Variants in MERTK observed in about 807,000 individuals in gnomAD.
MERTK encodes tyrosine-protein kinase Mer.
In MERTK, 69 loss-of-function variants were observed where a neutral mutation model predicts 99.3. That is an observed-to-expected ratio of 0.70 (90% CI 0.57 to 0.85). The LOEUF is 0.85. MERTK is among the 40% of genes least tolerant of loss of function. The pLI is 0.00. For synonymous variants in MERTK, 426 were observed against 467.6 expected (o/e 0.91, Z 1.15); for missense variants, 1,125 against 1,249.4 (o/e 0.90, Z 1.50).
At chr2:111,977,477 A>AT (rs1247654520) in intron 7 of MERTK, among the ~76,000 whole-genome samples, 1 of 151,868 alleles carries the variant, frequency 6.6e-6, no homozygotes, top group Non-Finnish European at 1.5e-5. Flanking sequence ...TTTTGTTCCT[A>AT]TTTTTACCCT....
chr2:111,964,029 C>G (rs918721992), intron 4 of MERTK, among the ~76,000 whole-genome samples: 2 of 81,404 alleles, frequency 2.5e-5, no homozygotes, highest in Non-Finnish European at 5.5e-5. Context: ...TTTCTCCACT[C>G]AAAAATTTTC....
At chr2:111,974,534 C>A (rs1676199044) in intron 6 of MERTK, among the ~76,000 whole-genome samples, 1 of 151,974 alleles carries the variant, frequency 6.6e-6, no homozygotes, top group South Asian at 2.1e-4. Context: ...CTTTGGAAGT[C>A]CAAGGCAGGT....
At chr2:111,950,647 C>G (rs1005800031) in intron 4 of MERTK, among the ~76,000 whole-genome samples, 1 of 152,146 alleles carries the variant, frequency 6.6e-6, no homozygotes, top group Non-Finnish European at 1.5e-5. Context: ...TTTCATTTCC[C>G]TGATGTCTAA....
chr2:111,997,634 C>T (rs1244715127), intron 10 of MERTK, among the ~76,000 whole-genome samples, 158 bp downstream of exon 10: 2 of 152,224 alleles, frequency 1.3e-5, no homozygotes, highest in Admixed American at 1.3e-4. Context: ...TGACTTACGC[C>T]ATGGTCTACA....
intron 2 of MERTK, among the ~76,000 whole-genome samples, chr2:111,944,370 GA>G (rs1684919587): frequency 6.8e-6 from 1 of 147,536 alleles, no homozygotes; most frequent in Non-Finnish European, 1.5e-5. Context: ...GTTTTTCCAA[GA>G]AACCGAACCT....
rs772859324 is a variant in MERTK at position 111,968,244 on chromosome 2, A to G, written c.952A>G (p.Ser318Gly). 6.2e-7 allele frequency: 1 copy of G among 1,612,182 alleles called. No individual in the cohort carries two copies. The highest frequency in any genetic ancestry group is 1.1e-5 in the South Asian group (1 of 91,024). Residue 318 changes from serine (S) to glycine (G), a missense_variant, in exon 6 of 19, where the codon AGC becomes GGC. Coordinates refer to ENST00000295408, the MANE Select transcript of MERTK (RefSeq NM_006343.3). ...TGGATACTCCCCGTTCAGGAATTGCAGCATTCAGGTAAAGTTCCAGGGTGA... is the reference window on the plus strand; with the variant it reads ...TGGATACTCCCCGTTCAGGAATTGCGGCATTCAGGTAAAGTTCCAGGGTGA... Reference protein sequence around the residue: ...FDGYSPFRNCSIQVKEADPLS... With the variant: ...FDGYSPFRNCGIQVKEADPLS...
Position 112,029,230 on chromosome 2 carries a change from A to G in MERTK, c.*366A>G. 1.0e-6 allele frequency: 1 copy of G among 991,094 alleles called. No individual in the cohort carries two copies. Among genetic ancestry groups the G allele is most frequent in the Non-Finnish European group, 1.2e-6 (1 of 828,522 alleles). The allele number at this position is 991,094 out of a possible 1,614,324, so 61.4% of individuals were successfully genotyped here. On this transcript the variant is annotated 3_prime_UTR_variant, in exon 19 of 19. Coordinates refer to ENST00000295408, the MANE Select transcript of MERTK (RefSeq NM_006343.3). ...TTTTTCATGACTATTAAATGTAAAAATATTTGTAAAATGAAATGCCATATT... is the reference window on the plus strand; with the variant it reads ...TTTTTCATGACTATTAAATGTAAAAGTATTTGTAAAATGAAATGCCATATT...
intron 2 of MERTK, among the ~76,000 whole-genome samples, chr2:111,939,671 T>G (rs906677908): frequency 2.9e-5 from 4 of 139,474 alleles, no homozygotes; most frequent in Admixed American, 2.1e-4. Context: ...TTTTTTTTTT[T>G]TTTTTTTTTT....
intron 15 of MERTK, among the ~76,000 whole-genome samples, chr2:112,011,110 G>A (rs891855505): frequency 6.6e-6 from 1 of 152,208 alleles, no homozygotes; most frequent in African/African-American, 2.4e-5. Context: ...GCTGCCATCA[G>A]TATGAGGACC....
At chr2:111,958,302 C>G (rs750150832) in intron 4 of MERTK, among the ~76,000 whole-genome samples, 2 of 152,160 alleles carry the variant, frequency 1.3e-5, no homozygotes, top group Non-Finnish European at 2.9e-5. Context: ...TACTGTTCAT[C>G]CACACAGAGA....
chr2:111,923,732 G>A (rs990334877), intron 1 of MERTK, among the ~76,000 whole-genome samples: 1 of 152,154 alleles, frequency 6.6e-6, no homozygotes, highest in African/African-American at 2.4e-5. Flanking sequence ...AGTCTTTGAT[G>A]TGGGTAAGCC....
At chr2:111,993,395 ATGACCTGTGACATCTG>A (rs761960300) in intron 8 of MERTK, among the ~76,000 whole-genome samples, 45 of 152,276 alleles carry the variant, frequency 3.0e-4, no homozygotes, top group Middle Eastern at 3.4e-3. Flanking sequence ...CTGTTCATTG[ATGACCTGTGACATCTG>A]TGACCTGTGA....
intron 7 of MERTK, among the ~76,000 whole-genome samples, chr2:111,981,704 G>C (rs1201824865): frequency 2.0e-5 from 3 of 151,282 alleles, no homozygotes; most frequent in Admixed American, 2.0e-4. Context: ...ATCTTGACTT[G>C]TTTCCCAAAT....
intron 1 of MERTK, among the ~76,000 whole-genome samples, chr2:111,916,567 T>C (rs1421213450): frequency 6.6e-6 from 1 of 152,184 alleles, no homozygotes; most frequent in African/African-American, 2.4e-5. Flanking sequence ...TTTAAAAAGA[T>C]CTTCTATTTC....
At chr2:111,944,534 G>GGAATTATTC (rs1573589856) in intron 2 of MERTK, among the ~76,000 whole-genome samples, 1 of 23,604 alleles carries the variant, frequency 4.2e-5, no homozygotes, top group African/African-American at 1.6e-4. Context: ...TAAGGAATTA[G>GGAATTATTC]CTCACACACA....
chr2:112,015,470 T>C (rs1369269942), intron 15 of MERTK, among the ~76,000 whole-genome samples: 9 of 152,206 alleles, frequency 5.9e-5, no homozygotes, highest in Non-Finnish European at 7.3e-5. Flanking sequence ...TTGCCATCCT[T>C]ACATCCGCTT....
At chr2:111,915,831 G>A (rs1393440041) in intron 1 of MERTK, among the ~76,000 whole-genome samples, 1 of 152,152 alleles carries the variant, frequency 6.6e-6, no homozygotes, top group East Asian at 1.9e-4. Flanking sequence ...GGAGACAGAG[G>A]TTGTAGTAAG....
intron 10 of MERTK, among the ~76,000 whole-genome samples, chr2:111,999,894 A>G (rs115649235): frequency 0.017 from 2,642 of 152,268 alleles, 71 homozygotes; most frequent in African/African-American, 0.06. Flanking sequence ...TGGAGGACCA[A>G]TTTTTTGTAA....
At chr2:111,988,671 C>A (rs756333552) in intron 8 of MERTK, among the ~76,000 whole-genome samples, 1 of 152,216 alleles carries the variant, frequency 6.6e-6, no homozygotes, top group South Asian at 2.1e-4. Flanking sequence ...TGAGGCCAGG[C>A]GTGGTGGCTC....
Sources: gnomAD v4.1 joint callset for allele counts (sites outside exome capture counted in the v4.1 genomes callset) on GRCh38, gnomAD v4.1.1 for gene constraint, MANE v1.5 for transcripts, NCBI Gene and HGNC (gene_info 2026-07-23, HGNC 2026-07-21) for gene names.